Variants in IPPK observed in about 807,000 individuals in gnomAD.
The protein encoded by IPPK is IPK1 homolog.
In IPPK, 22 loss-of-function variants were observed where a neutral mutation model predicts 64.6. The observed-to-expected ratio is 0.34, with a 90% CI of 0.24 to 0.49. IPPK has a LOEUF of 0.49. Ranked by LOEUF, IPPK falls within the 20% of genes least tolerant of loss-of-function variation. The pLI, the probability that IPPK is intolerant of heterozygous loss-of-function variation, is 0.99. For missense variants in IPPK, 532 were observed against 630.7 expected, an observed-to-expected ratio of 0.84 and a Z score of 1.68; for synonymous variants, 262 against 247.2, an observed-to-expected ratio of 1.06 and a Z score of -0.56.
intron 2 of IPPK, 21 bp downstream of exon 2, chr9:92,658,613 G>A (rs1564041273): frequency 6.2e-7 from 1 of 1,603,092 alleles, no homozygotes; most frequent in Non-Finnish European, 8.5e-7. Flanking sequence ...GTAAGTCTGG[G>A]TGCAAACCCA....
intron 1 of IPPK, among the ~76,000 whole-genome samples, chr9:92,660,202 C>A (rs1480978791): frequency 6.6e-6 from 1 of 152,168 alleles, no homozygotes; most frequent in African/African-American, 2.4e-5. Flanking sequence ...CCTGACCCGC[C>A]CTCCAACAAT....
At chr9:92,656,404 G>A in intron 3 of IPPK, 52 bp downstream of exon 3, 2 of 1,131,814 alleles carry the variant, frequency 1.8e-6, no homozygotes, top group Admixed American at 3.4e-5. Context: ...GAAATTGGCA[G>A]TGTTGATGCA....
intron 6 of IPPK, among the ~76,000 whole-genome samples, chr9:92,647,560 G>T (rs1056976878): frequency 6.6e-6 from 1 of 151,976 alleles, no homozygotes; most frequent in African/African-American, 2.4e-5. Flanking sequence ...ATGAGCAACT[G>T]GGATTTATCC....
At chr9:92,630,393 T>C (rs140876461) in intron 11 of IPPK, among the ~76,000 whole-genome samples, 2 of 152,236 alleles carry the variant, frequency 1.3e-5, no homozygotes, top group East Asian at 1.9e-4. Context: ...GGGGAGACAA[T>C]GGGACGATAG....
intron 1 of IPPK, among the ~76,000 whole-genome samples, chr9:92,666,905 C>T (rs78545263): frequency 0.04 from 6,043 of 152,270 alleles, 182 homozygotes; most frequent in South Asian, 0.11. Flanking sequence ...ACAAGTCCTG[C>T]GCTGCACAGA....
Position 92,613,226 on chromosome 9 carries a change from A to G in IPPK, c.*2606T>C, listed in dbSNP as rs1564022565. 3 of 1,581,428 alleles carry G rather than the reference A, an allele frequency of 1.9e-6. No homozygotes were observed. Among genetic ancestry groups the G allele is most frequent in the Non-Finnish European group, 2.6e-6 (3 of 1,152,884 alleles). Reference sequence around the variant, plus strand: ...ATTTTATTCAATATAAACATTTGCTATTTTCTGCTTAGAAACCACACCCTG... The same window carrying G: ...ATTTTATTCAATATAAACATTTGCTGTTTTCTGCTTAGAAACCACACCCTG... On this transcript the variant is annotated 3_prime_UTR_variant, in exon 13 of 13. Coordinates refer to ENST00000287996, the MANE Select transcript of IPPK (RefSeq NM_022755.6).
chr9:92,618,566 T>G (rs758775107), intron 12 of IPPK: 1 of 456,704 alleles, frequency 2.2e-6, no homozygotes, highest in Non-Finnish European at 4.4e-6. Flanking sequence ...GTGGGTTTTC[T>G]CTCATCGAAC....
At chr9:92,648,672 G>A (rs1361207844) in intron 5 of IPPK, among the ~76,000 whole-genome samples, 2 of 152,238 alleles carry the variant, frequency 1.3e-5, no homozygotes, top group Admixed American at 6.5e-5. Flanking sequence ...GGTGGCTGGG[G>A]AAGCAGAACA....
In IPPK at chr9:92,634,328, C is replaced by T. The variant is rs1009103335; in HGVS notation, c.1170+58G>A. ...AAAAAAAATACAAAAAACAAAAAAACAGATTAGTGCTAAGAAGCTAAGGAT... is the reference window on the plus strand; with the variant it reads ...AAAAAAAATACAAAAAACAAAAAAATAGATTAGTGCTAAGAAGCTAAGGAT... On this transcript the variant is annotated intron_variant, in intron 11 of 12. Transcript: ENST00000287996. 3.3e-6 allele frequency: 4 copies of T among 1,205,898 alleles called. No individual in the cohort carries two copies. The African/African-American group carries it at 4.6e-5, about 14-fold the overall frequency. 74.7% of individuals were successfully genotyped at this position (1,205,898 alleles called of 1,614,324 possible).
intron 3 of IPPK, among the ~76,000 whole-genome samples, chr9:92,653,300 G>A (rs1014586160): frequency 1.3e-5 from 2 of 152,056 alleles, no homozygotes; most frequent in Non-Finnish European, 2.9e-5. Context: ...AGTCCCAAAC[G>A]GACACAGGAG....
chr9:92,629,768 A>G (rs1231136980), intron 11 of IPPK, among the ~76,000 whole-genome samples: 2 of 152,058 alleles, frequency 1.3e-5, no homozygotes, highest in Non-Finnish European at 1.5e-5. Flanking sequence ...AAAAAGATAT[A>G]TAAGTGGGCA....
Position 92,619,505 on chromosome 9 carries a change from G to A in IPPK, c.1231C>T (p.Pro411Ser). The A allele has an allele frequency of 1.9e-6, 3 of 1,592,126 alleles. No individual in the cohort carries two copies. Among genetic ancestry groups the A allele is most frequent in the Non-Finnish European group, 2.6e-6 (3 of 1,169,668 alleles). Residue 411 changes from proline (P) to serine (S), a missense_variant, in exon 12 of 13, where the codon CCC becomes TCC. Coordinates refer to ENST00000287996, the MANE Select transcript of IPPK (RefSeq NM_022755.6). ...KDCSIMIALS[P>S]CLQDASSDQR... Reference sequence around the variant, plus strand: ...CCTCACCTGGCATCCTGCAGACAGGGAGACAGTGCAATCATGATGGAGCAG... The same window carrying A: ...CCTCACCTGGCATCCTGCAGACAGGAAGACAGTGCAATCATGATGGAGCAG...
intron 1 of IPPK, 81 bp from the exon 2 acceptor site, chr9:92,658,762 C>T: frequency 3.2e-6 from 4 of 1,263,252 alleles, no homozygotes; most frequent in Non-Finnish European, 4.6e-6. Flanking sequence ...GGGTCCCATC[C>T]TCAGTGGACA....
At chr9:92,617,648 G>A (rs117842778) in intron 12 of IPPK, 296 of 154,580 alleles carry the variant, frequency 1.9e-3, no homozygotes, top group Non-Finnish European at 3.4e-3. Context: ...CTGGAAGGCC[G>A]TTCTCCAGGA....
intron 4 of IPPK, among the ~76,000 whole-genome samples, chr9:92,651,128 C>T (rs1399180625): frequency 6.6e-6 from 1 of 152,018 alleles, no homozygotes. Context: ...GCCTCCCCAG[C>T]CTTTCCTGCA....
intron 11 of IPPK, among the ~76,000 whole-genome samples, chr9:92,632,279 G>C (rs1279319674): frequency 2.0e-5 from 3 of 152,168 alleles, no homozygotes; most frequent in Non-Finnish European, 4.4e-5. Flanking sequence ...TAGTGTGTAG[G>C]AACCTTCCAA....
intron 1 of IPPK, among the ~76,000 whole-genome samples, chr9:92,665,834 A>G (rs1213045788): frequency 2.0e-5 from 3 of 152,306 alleles, no homozygotes; most frequent in African/African-American, 7.2e-5. Flanking sequence ...ACATATATAT[A>G]TGATCTATGA....
intron 11 of IPPK, among the ~76,000 whole-genome samples, chr9:92,620,819 GAGTACAAATGGATCAAA>G (rs1291449907): frequency 2.0e-5 from 3 of 152,178 alleles, no homozygotes; most frequent in Non-Finnish European, 1.5e-5. Context: ...CAGTTAGCTA[GAGTACAAATGGATCAAA>G]AGTTGATTCT....
intron 3 of IPPK, among the ~76,000 whole-genome samples, chr9:92,653,980 T>C (rs1852319845): frequency 6.6e-6 from 1 of 152,106 alleles, no homozygotes; most frequent in Non-Finnish European, 1.5e-5. Context: ...GTGAGAACCA[T>C]CGCCCAAAAC....
Sources: gnomAD v4.1 joint callset for allele counts (sites outside exome capture counted in the v4.1 genomes callset) on GRCh38, gnomAD v4.1.1 for gene constraint, MANE v1.5 for transcripts, NCBI Gene and HGNC (gene_info 2026-07-23, HGNC 2026-07-21) for gene names.